Variants in KRT8 observed in about 807,000 individuals in gnomAD.
KRT8 encodes keratin, type II cytoskeletal 8.
Under a neutral mutation model 43.0 loss-of-function variants are expected in KRT8, and 24 were observed. The observed-to-expected ratio is 0.56, with a 90% CI of 0.40 to 0.78. KRT8 has a LOEUF of 0.78. Ranked by LOEUF, KRT8 falls within the 30% of genes least tolerant of loss-of-function variation. KRT8 has a pLI of 0.00. For synonymous variants in KRT8, 214 were observed against 261.2 expected (o/e 0.82, Z 1.74); for missense variants, 492 against 638.4 (o/e 0.77, Z 2.47).
chr12:52,926,057 C>T (rs1021081896), intron 2 of KRT8, among the ~76,000 whole-genome samples: 17 of 152,176 alleles, frequency 1.1e-4, no homozygotes, highest in Admixed American at 9.8e-4. Context: ...CGAGAGGCCC[C>T]CTCTGCAGAG....
intron 2 of KRT8, among the ~76,000 whole-genome samples, chr12:52,927,179 G>A (rs933743136): frequency 1.7e-4 from 26 of 152,300 alleles, no homozygotes; most frequent in Middle Eastern, 6.8e-3. Context: ...CCCCAGGGAG[G>A]AGATTCAGGA....
chr12:52,899,747 C>T, intron 5 of KRT8, 28 bp downstream of exon 5: 1 of 1,599,550 alleles, frequency 6.3e-7, no homozygotes, highest in Non-Finnish European at 8.6e-7. Context: ...GTCCAAGGAA[C>T]CCCTCCCACC....
At chr12:52,906,035 C>G (rs1167905650), upstream of KRT8, among the ~76,000 whole-genome samples, 3 of 152,158 alleles carry the variant, frequency 2.0e-5, no homozygotes, top group Non-Finnish European at 4.4e-5. Flanking sequence ...GAGCTGAGAT[C>G]GTGCCACTGC....
intron 2 of KRT8, among the ~76,000 whole-genome samples, chr12:52,915,757 C>T (rs1489172733): frequency 6.6e-6 from 1 of 151,974 alleles, no homozygotes; most frequent in East Asian, 1.9e-4. Context: ...AAATGCTGGA[C>T]AGGCAGAAAC....
chr12:52,911,050 C>A (rs998568513), upstream of KRT8, among the ~76,000 whole-genome samples: 1 of 152,140 alleles, frequency 6.6e-6, no homozygotes, highest in African/African-American at 2.4e-5. Flanking sequence ...CTGAAAGTCC[C>A]TGTTGAGAAG....
chr12:52,909,575 G>A (rs1260852667), upstream of KRT8, among the ~76,000 whole-genome samples: 1 of 152,188 alleles, frequency 6.6e-6, no homozygotes, highest in African/African-American at 2.4e-5. Flanking sequence ...GATGATTAAA[G>A]CCAGCCAGGA....
intron 2 of KRT8, among the ~76,000 whole-genome samples, chr12:52,938,155 TATATATATATA>T (rs1565732895): frequency 2.6e-4 from 9 of 34,026 alleles, no homozygotes; most frequent in African/African-American, 1.5e-3. Flanking sequence ...TATATATATA[TATATATATATA>T]TATATTTTTT....
At chr12:52,938,106 A>G (rs2120719592) in intron 2 of KRT8, among the ~76,000 whole-genome samples, 1 of 133,020 alleles carries the variant, frequency 7.5e-6, no homozygotes, top group Admixed American at 7.9e-5. Context: ...CATTAAAACC[A>G]CAAGATACCA....
chr12:52,908,329 C>A (rs572869362), upstream of KRT8, among the ~76,000 whole-genome samples: 1 of 152,240 alleles, frequency 6.6e-6, no homozygotes, highest in African/African-American at 2.4e-5. Context: ...GGGATCTGAA[C>A]AAGTTTTGCT....
chr12:52,903,851 C>A (rs1454608451), intron 1 of KRT8, among the ~76,000 whole-genome samples: 1 of 129,788 alleles, frequency 7.7e-6, no homozygotes, highest in Non-Finnish European at 1.7e-5. Flanking sequence ...TCCTCCACCC[C>A]ACCCCAGCCC....
chr12:52,901,114 G>A, intron 3 of KRT8, 45 bp downstream of exon 3: 1 of 1,385,780 alleles, frequency 7.2e-7, no homozygotes, highest in Non-Finnish European at 1.0e-6. Context: ...GAGTCTCTGA[G>A]CCCCAGCCTC....
chr12:52,907,299 T>G (rs1219097033), upstream of KRT8, among the ~76,000 whole-genome samples: 4 of 152,116 alleles, frequency 2.6e-5, no homozygotes, highest in Non-Finnish European at 5.9e-5. Context: ...GGAGAAGGAC[T>G]GGGCCCAGTG....
chr12:52,918,178 G>GAAGAAGAAGAAGAAGAAGAAGAAGAAGA (rs879329542), intron 2 of KRT8, among the ~76,000 whole-genome samples: 1 of 123,430 alleles, frequency 8.1e-6, no homozygotes, highest in African/African-American at 3.3e-5. Flanking sequence ...AGAAGAGGAA[G>GAAGAAGAAGAAGAAGAAGAAGAAGAAGA]AGGAAGAAGA....
At chr12:52,931,676 A>T (rs907409199) in intron 2 of KRT8, among the ~76,000 whole-genome samples, 11 of 150,548 alleles carry the variant, frequency 7.3e-5, no homozygotes, top group Non-Finnish European at 1.5e-4. Context: ...ATATATATAT[A>T]TTTGAGACGG....
chr12:52,923,576 C>T (rs1459136711), intron 2 of KRT8, among the ~76,000 whole-genome samples: 2 of 151,962 alleles, frequency 1.3e-5, no homozygotes, highest in Admixed American at 6.6e-5. Context: ...CCAGCCACCA[C>T]GCCTGGCTAA....
intron 2 of KRT8, among the ~76,000 whole-genome samples, chr12:52,942,289 C>G (rs922592882): frequency 6.6e-6 from 1 of 152,086 alleles, no homozygotes; most frequent in Admixed American, 6.6e-5. Context: ...AGAAGCTCGC[C>G]GACTTGGGCA....
At position 52,900,690 on chromosome 12, in the gene KRT8, GA is replaced by G; in HGVS notation, c.595-8del. On this transcript the variant is annotated splice_polypyrimidine_tract_variant and splice_region_variant and intron_variant, in intron 3 of 7. Transcript: ENST00000692008. ...TGTAAGCTTCATCCACATCCTGGGG[GA>G]TGAGGAGAGGGGAGCCTGAGCTGGG... 6.2e-7 allele frequency: 1 copy of G among 1,603,092 alleles called. No homozygotes were observed. The highest frequency in any genetic ancestry group is 8.5e-7 in the Non-Finnish European group (1 of 1,171,950).
intron 2 of KRT8, chr12:52,926,592 C>T (rs1359120904): frequency 5.4e-6 from 4 of 746,124 alleles, no homozygotes; most frequent in Non-Finnish European, 8.9e-6. Context: ...GTTACACTTG[C>T]TGTGGGCATG....
intron 2 of KRT8, among the ~76,000 whole-genome samples, chr12:52,934,414 A>G (rs1192646497): frequency 6.6e-6 from 1 of 150,934 alleles, no homozygotes; most frequent in African/African-American, 2.4e-5. Flanking sequence ...TACAAAAAAT[A>G]GCCAGGATGG....
Sources: gnomAD v4.1 joint callset for allele counts (sites outside exome capture counted in the v4.1 genomes callset) on GRCh38, gnomAD v4.1.1 for gene constraint, MANE v1.5 for transcripts, NCBI Gene and HGNC (gene_info 2026-07-23, HGNC 2026-07-21) for gene names.